The following PRKG1 variants were observed in gnomAD, a reference collection of about 807,000 sequenced individuals.
The protein encoded by PRKG1 is protein kinase cGMP-dependent 1.
PRKG1 carries 35 observed loss-of-function variants against 88.1 expected under a neutral mutation model. The ratio of observed to expected loss-of-function variants is 0.40; its 90% CI spans 0.30 to 0.53. The LOEUF (loss-of-function observed/expected upper bound fraction) is 0.53, where lower values mean the gene tolerates loss of function less well. Among genes scored for constraint, PRKG1 ranks in the 20% least tolerant of loss-of-function variants. The pLI, the probability that PRKG1 is intolerant of heterozygous loss-of-function variation, is 0.59. For missense variants in PRKG1, 540 were observed against 839.8 expected (o/e 0.64, Z 4.41); for synonymous variants, 303 against 292.5 (o/e 1.04, Z -0.37).
At chr10:51,056,658 C>T (rs1418745236) in intron 1 of PRKG1, among the ~76,000 whole-genome samples, 2 of 152,130 alleles carry the variant, frequency 1.3e-5, no homozygotes, top group African/African-American at 4.8e-5. Context: ...CTGATCATGA[C>T]ACTTTGCTGA....
At chr10:52,088,010 G>A (rs1340974339) in intron 7 of PRKG1, among the ~76,000 whole-genome samples, 2 of 152,118 alleles carry the variant, frequency 1.3e-5, no homozygotes, top group Non-Finnish European at 2.9e-5. Context: ...AAACTGAGTG[G>A]TAATTCTCAA....
intron 1 of PRKG1, among the ~76,000 whole-genome samples, chr10:51,023,256 ATGATTT>A (rs1217273230): frequency 2.0e-5 from 3 of 152,244 alleles, no homozygotes; most frequent in Non-Finnish European, 2.9e-5. Flanking sequence ...CAAACACTTT[ATGATTT>A]TAACTGCCCT....
intron 3 of PRKG1, among the ~76,000 whole-genome samples, chr10:51,646,999 GTTAAT>G (rs1233850932): frequency 6.6e-6 from 1 of 151,900 alleles, no homozygotes; most frequent in Non-Finnish European, 1.5e-5. Context: ...TTTTGGAGAA[GTTAAT>G]TTAAGAGAAC....
At chr10:51,370,382 G>A (rs1842676893) in intron 2 of PRKG1, among the ~76,000 whole-genome samples, 1 of 152,052 alleles carries the variant, frequency 6.6e-6, no homozygotes, top group Non-Finnish European at 1.5e-5. Flanking sequence ...CTAGCGGGAT[G>A]AGAGTCCTGA....
chr10:51,149,114 C>T (rs373650525), intron 1 of PRKG1, among the ~76,000 whole-genome samples: 1 of 152,080 alleles, frequency 6.6e-6, no homozygotes, highest in Admixed American at 6.6e-5. Context: ...CTTGTTTTTA[C>T]TTCTACTTAG....
intron 3 of PRKG1, among the ~76,000 whole-genome samples, chr10:51,659,997 T>C (rs1054033926): frequency 3.0e-4 from 46 of 151,968 alleles, no homozygotes; most frequent in African/African-American, 1.0e-3. Context: ...CCCCAGATTA[T>C]TCATATGCAT....
At chr10:52,110,848 A>G (rs1847547247) in intron 7 of PRKG1, among the ~76,000 whole-genome samples, 1 of 152,148 alleles carries the variant, frequency 6.6e-6, no homozygotes, top group Admixed American at 6.5e-5. Flanking sequence ...TGCATGTTCC[A>G]GGGCTAGGTA....
At chr10:52,159,589 A>G (rs1252175034) in intron 8 of PRKG1, among the ~76,000 whole-genome samples, 1 of 151,674 alleles carries the variant, frequency 6.6e-6, no homozygotes, top group Non-Finnish European at 1.5e-5. Context: ...TTCAAAGTGT[A>G]TTTTCAAAAT....
chr10:51,836,630 G>A (rs577226870), intron 4 of PRKG1, among the ~76,000 whole-genome samples: 25 of 152,190 alleles, frequency 1.6e-4, no homozygotes, highest in African/African-American at 6.0e-4. Context: ...TCTTTTGTAT[G>A]TGGATAAGGG....
intron 9 of PRKG1, among the ~76,000 whole-genome samples, chr10:52,183,617 C>T (rs1303532119): frequency 6.6e-6 from 1 of 152,170 alleles, no homozygotes; most frequent in Non-Finnish European, 1.5e-5. Context: ...CCCATGTGGG[C>T]TTGGTGTAAT....
intron 3 of PRKG1, among the ~76,000 whole-genome samples, chr10:51,504,518 G>T (rs1044845308): frequency 5.3e-5 from 8 of 152,246 alleles, no homozygotes; most frequent in Admixed American, 3.3e-4. Flanking sequence ...AAAGTCATTG[G>T]TAGCTTGATG....
At chr10:51,145,868 A>T (rs950250648) in intron 1 of PRKG1, among the ~76,000 whole-genome samples, 3 of 151,896 alleles carry the variant, frequency 2.0e-5, no homozygotes, top group Non-Finnish European at 4.4e-5. Context: ...TTTAGAGAAA[A>T]CTCCATACTG....
chr10:51,792,291 C>A (rs1838888033), intron 3 of PRKG1, among the ~76,000 whole-genome samples: 1 of 152,098 alleles, frequency 6.6e-6, no homozygotes. Context: ...CCGATTTACA[C>A]AGAAATCTAC....
intron 7 of PRKG1, among the ~76,000 whole-genome samples, chr10:52,127,762 T>C (rs1443828937): frequency 6.6e-6 from 1 of 152,178 alleles, no homozygotes; most frequent in Non-Finnish European, 1.5e-5. Context: ...TTAGAAGGTA[T>C]ATAATTATTT....
intron 4 of PRKG1, among the ~76,000 whole-genome samples, chr10:51,882,022 G>A (rs568450012): frequency 4.6e-5 from 7 of 152,164 alleles, no homozygotes; most frequent in African/African-American, 1.7e-4. Context: ...AAATCCATGA[G>A]GATGACTAAA....
intron 2 of PRKG1, among the ~76,000 whole-genome samples, chr10:51,170,570 G>A (rs1320727726): frequency 6.6e-6 from 1 of 151,820 alleles, no homozygotes; most frequent in East Asian, 1.9e-4. Flanking sequence ...AGGTGCTCAG[G>A]GAAGGCCTCT....
chr10:51,929,933 G>A (rs1010850103), intron 5 of PRKG1, among the ~76,000 whole-genome samples: 1 of 152,148 alleles, frequency 6.6e-6, no homozygotes, highest in East Asian at 1.9e-4. Flanking sequence ...GTGTAATAAA[G>A]TTGGCTTCCA....
chr10:52,229,800 G>A (rs540424950), intron 9 of PRKG1, among the ~76,000 whole-genome samples: 5 of 152,216 alleles, frequency 3.3e-5, no homozygotes, highest in Non-Finnish European at 5.9e-5. Context: ...GTGATGACTC[G>A]TAAATTCCAT....
chr10:51,446,888 C>T (rs1339309125), intron 2 of PRKG1, among the ~76,000 whole-genome samples: 1 of 152,026 alleles, frequency 6.6e-6, no homozygotes. Context: ...AGCCATTTCT[C>T]ATCTGAGAGA....
Sources: allele counts gnomAD v4.1 joint callset (sites outside exome capture counted in the v4.1 genomes callset), GRCh38; gene constraint gnomAD v4.1.1; transcripts MANE v1.5; gene names NCBI Gene and HGNC (gene_info 2026-07-23, HGNC 2026-07-21).